The following LAMA5 variants were observed in gnomAD, a reference collection of about 807,000 sequenced individuals.
The protein encoded by LAMA5 is laminin subunit alpha-5.
Under a neutral mutation model 433.4 loss-of-function variants are expected in LAMA5, and 260 were observed. The ratio of observed to expected loss-of-function variants is 0.60; its 90% confidence interval spans 0.54 to 0.66. The LOEUF is 0.66. Among genes scored for constraint, LAMA5 ranks in the 30% least tolerant of loss-of-function variants. The probability of loss-of-function intolerance (pLI) is 0.00; values close to 1 mark genes in which losing one functional copy is unlikely to be tolerated. For synonymous variants in LAMA5, 2,620 were observed against 2,226.6 expected (o/e 1.18, Z -4.97); for missense variants, 5,378 against 5,258.5 (o/e 1.02, Z -0.70).
intron 57 of LAMA5, 144 bp from the exon 58 acceptor site, chr20:62,316,202 A>G: frequency 1.6e-6 from 1 of 640,210 alleles, no homozygotes; most frequent in South Asian, 1.9e-5. Context: ...GGAGTCCCTT[A>G]GCCTGTGGGG....
chr20:62,310,877 C>CA, intron 74 of LAMA5, 25 bp downstream of exon 74: 1 of 1,606,612 alleles, frequency 6.2e-7, no homozygotes, highest in African/African-American at 1.3e-5. Flanking sequence ...CCCTGCCCAC[C>CA]ACCTTCCTTC....
chr20:62,362,541 A>C lies in LAMA5; in HGVS notation c.309T>G (p.Cys103Trp). The change falls in exon 2 of 80, where the codon TGT (cysteine) becomes TGG (tryptophan). Residue 103 changes from cysteine (C) to tryptophan (W), a missense_variant. Transcript: ENST00000252999. ...DPNQTIRGQY[C>W]DICTAANSNK... ...TGCTGTTGGCAGCCGTGCAGATGTCACAGTACTGGCCCTGCAGAGGGAACG... is the reference window on the plus strand; with the variant it reads ...TGCTGTTGGCAGCCGTGCAGATGTCCCAGTACTGGCCCTGCAGAGGGAACG... The C allele has an allele frequency of 2.5e-6, 4 of 1,586,188 alleles. No homozygotes were observed. The highest frequency in any genetic ancestry group is 3.4e-6 in the Non-Finnish European group (4 of 1,164,284).
At chr20:62,321,402 G>A (rs55843820) in intron 48 of LAMA5, among the ~76,000 whole-genome samples, 1 of 5,656 alleles carries the variant, frequency 1.8e-4, no homozygotes, top group Admixed American at 2.5e-3. Flanking sequence ...GAGGACGGGT[G>A]GGTTCAGAGG....
At chr20:62,348,204 T>C (rs1322992767) in intron 6 of LAMA5, among the ~76,000 whole-genome samples, 5 of 151,864 alleles carry the variant, frequency 3.3e-5, no homozygotes, top group Admixed American at 1.3e-4. Context: ...GCTAAAGACC[T>C]TGCAGAGAAA....
chr20:62,313,386 G>T lies in LAMA5; in HGVS notation c.8733C>A (p.Ser2911Arg). The T allele has an allele frequency of 6.2e-7, 1 of 1,603,452 alleles. No homozygotes were observed. Among genetic ancestry groups the T allele is most frequent in the Non-Finnish European group, 8.5e-7 (1 of 1,175,890 alleles). The change falls in exon 64 of 80, where the codon AGC (serine) becomes AGA (arginine). Residue 2911 changes from serine (S) to arginine (R), a missense_variant. Ser to Arg is a moderately radical substitution (Grantham distance 110, BLOSUM62 -1). Coordinates refer to ENST00000252999, the MANE Select transcript of LAMA5 (RefSeq NM_005560.6). Reference protein sequence around the residue: ...EMDTLNEEVVSLYNFERTFQL... With the variant: ...EMDTLNEEVVRLYNFERTFQL... ...GGAAGGTCCTCTCGAAGTTGTAGAG[G>T]CTGACCACCTCCTCATTCAGCGTGT...
rs35265388 is a variant in LAMA5 at position 62,319,222 on chromosome 20, C to T, written c.6872-209G>A. The T allele has an allele frequency of 0.27, 158,614 of 578,364 alleles. 22,540 individuals carry two copies. The highest frequency in any genetic ancestry group is 0.3 in the Non-Finnish European group (99,532 of 327,730). 35.8% of individuals were successfully genotyped at this position (578,364 alleles called of 1,614,324 possible). On this transcript the variant is annotated intron_variant, in intron 51 of 79. Transcript: ENST00000252999. ...CTCACCTCCTGCAGTGCCTCCAACA[C>T]CCTGACACCAGTCTGCTCAGCCAGC...
chr20:62,331,024 G>A lies in LAMA5; in HGVS notation c.3650+8C>T. On this transcript the variant is annotated splice_region_variant and intron_variant, in intron 29 of 79. Transcript: ENST00000252999. ...CGCGCCCCTCCCAGCCCCATTACCT[G>A]CCATTACCTGTTGGGGCCAAAGGCG... 1.3e-6 allele frequency: 2 copies of A among 1,593,022 alleles called. No homozygotes were observed. Among genetic ancestry groups the A allele is most frequent in the Non-Finnish European group, 1.7e-6 (2 of 1,171,272 alleles).
chr20:62,325,597 C>G, intron 40 of LAMA5, 51 bp from the exon 41 acceptor site: 1 of 1,315,004 alleles, frequency 7.6e-7, no homozygotes, highest in Non-Finnish European at 1.1e-6. Flanking sequence ...TGGGACAGAA[C>G]AGGGAGCCTA....
intron 31 of LAMA5, among the ~76,000 whole-genome samples, 161 bp downstream of exon 31, chr20:62,330,327 T>TAGGGGCTGCGGGCTGC (rs1980121264): frequency 6.6e-6 from 1 of 151,820 alleles, no homozygotes; most frequent in African/African-American, 2.4e-5. Context: ...AGCGGGCGGG[T>TAGGGGCTGCGGGCTGC]AGGGGCTGCG....
chr20:62,332,112 A>T (rs1043895807), intron 28 of LAMA5, among the ~76,000 whole-genome samples: 1 of 151,662 alleles, frequency 6.6e-6, no homozygotes, highest in Non-Finnish European at 1.5e-5. Context: ...CTGTGCCAGG[A>T]GGTGGCTGCC....
rs1568940481 is a variant in LAMA5 at position 62,332,498 on chromosome 20, TCAGCAGGTGGGG to T, written c.3444-30_3444-19del. 3.7e-6 allele frequency: 6 copies of T among 1,610,778 alleles called. No homozygotes were observed. The highest frequency in any genetic ancestry group is 5.1e-6 in the Non-Finnish European group (6 of 1,178,714). On this transcript the variant is annotated intron_variant, in intron 27 of 79. Transcript: ENST00000252999. ...ACAGGGTGCTGTGGGGGGAGGGTGG[TCAGCAGGTGGGG>T]CAGCCCCGGGCGTGCCCTTACTCCA...
chr20:62,324,505 C>T lies in LAMA5; in HGVS notation c.5579G>A (p.Arg1860Gln), dbSNP rs376115170. ...TCCATGGCACTGACAAGGGACACAT[C>T]GGCCCAGGAAGAGACCTTTGACGTC... ...YRDVKGLFLG[R>Q]CVPCQCHGHS... is the part of the protein sequence containing the mutation. Residue 1860 changes from arginine (R) to glutamine (Q), a missense_variant, in exon 42 of 80, where the codon CGA becomes CAA. Coordinates refer to ENST00000252999, the MANE Select transcript of LAMA5 (RefSeq NM_005560.6). This position sits in a 1 kb window ranked among gnomAD's most constrained non-coding sequence, Gnocchi z 4.4. The T allele has an allele frequency of 3.1e-5, 50 of 1,612,160 alleles. No individual in the cohort carries two copies. Among genetic ancestry groups the T allele is most frequent in the Middle Eastern group, 1.6e-4 (1 of 6,080 alleles).
At position 62,318,627 on chromosome 20, in the gene LAMA5, G is replaced by C; in HGVS notation, c.7066C>G (p.Leu2356Val). 14 of 1,610,586 alleles carry C rather than the reference G, an allele frequency of 8.7e-6. No individual in the cohort carries two copies. The highest frequency in any genetic ancestry group is 1.2e-5 in the Non-Finnish European group (14 of 1,178,992). ...TGGTTCTCCTCCCAGAGGCTGCTCA[G>C]CTGCTCCTGCACCCGGGCCAGCACT... Reference protein sequence around the residue: ...QRLLARVQEQLSSLWEENQAL... With the variant: ...QRLLARVQEQVSSLWEENQAL... The change falls in exon 53 of 80, where the codon CTG (leucine) becomes GTG (valine). Residue 2356 changes from leucine (L) to valine (V), a missense_variant. Transcript: ENST00000252999.
intron 49 of LAMA5, 27 bp from the exon 50 acceptor site, chr20:62,320,696 G>A (rs1987601473): frequency 3.7e-6 from 6 of 1,611,954 alleles, no homozygotes; most frequent in African/African-American, 1.3e-5. Context: ...GTGAAGGCCT[G>A]CACTGGCCCG....
Position 62,322,126 on chromosome 20 carries a change from C to A in LAMA5, c.6389G>T (p.Arg2130Leu), listed in dbSNP as rs528255444. 5.0e-6 allele frequency: 8 copies of A among 1,602,702 alleles called. No individual in the cohort carries two copies. Among genetic ancestry groups the A allele is most frequent in the Non-Finnish European group, 5.1e-6 (6 of 1,178,214 alleles). The stretch of plus-strand genomic sequence containing the variant: ...GCTGAGCCCCGGGGGGCAGTTGCAG[C>A]GGCCCGTGTGAGGGTCACAGCGGCC... ...PGGRCDPHTG[R>L]CNCPPGLSGE... The change falls in exon 48 of 80, where the codon CGC (arginine) becomes CTC (leucine). Residue 2130 changes from arginine to leucine, a missense_variant. Coordinates refer to ENST00000252999, the MANE Select transcript of LAMA5 (RefSeq NM_005560.6).
At chr20:62,329,396 C>A (rs1193412965) in intron 32 of LAMA5, 143 bp from the exon 33 acceptor site, 2 of 646,536 alleles carry the variant, frequency 3.1e-6, no homozygotes, top group Non-Finnish European at 5.3e-6. Flanking sequence ...CAGCCCTGGG[C>A]CCTGGCTGCT....
In LAMA5 at chr20:62,314,081, GA is replaced by G. The variant is rs552639121; in HGVS notation, c.8504+222del. Reference sequence around the variant, plus strand: ...AGGGGTGGCGGGTGGGCACAGAGACGAGGGGTGGCGAGTGGGCACAGACGGG... The same window carrying G: ...AGGGGTGGCGGGTGGGCACAGAGACGGGGGTGGCGAGTGGGCACAGACGGG... On this transcript the variant is annotated intron_variant, in intron 62 of 79. Coordinates refer to ENST00000252999, the MANE Select transcript of LAMA5 (RefSeq NM_005560.6). Among the ~76,000 whole-genome samples the G allele has an allele frequency of 2.7e-4, 13 of 48,658 alleles. 1 individual carries two copies. The highest frequency in any genetic ancestry group is 8.5e-4 in the African/African-American group (11 of 12,902). 31.9% of individuals were successfully genotyped at this position (48,658 alleles called of 152,430 possible).
intron 10 of LAMA5, 30 bp downstream of exon 10, chr20:62,346,051 T>G (rs1340724739): frequency 6.2e-7 from 1 of 1,610,856 alleles, no homozygotes; most frequent in East Asian, 2.2e-5. Context: ...GGCAGTGGTG[T>G]CTGTTTGGAT....
chr20:62,315,314 T>C (rs907418757), intron 58 of LAMA5, 107 bp from the exon 59 acceptor site: 5 of 971,752 alleles, frequency 5.1e-6, no homozygotes, highest in East Asian at 2.6e-5. Context: ...CAACCCCCTA[T>C]GGATCGTGTG....
Sources: gnomAD v4.1 joint callset for allele counts (sites outside exome capture counted in the v4.1 genomes callset) on GRCh38, gnomAD v4.1.1 for gene constraint, Gnocchi (gnomAD v3.1) non-coding constraint, MANE v1.5 for transcripts, NCBI Gene and HGNC (gene_info 2026-07-23, HGNC 2026-07-21) for gene names.